The following ZNF701 variants were observed in gnomAD, a reference collection of about 807,000 sequenced individuals.
ZNF701 encodes zinc finger protein 701.
ZNF701 carries 6 observed loss-of-function variants against 7.1 expected under a neutral mutation model. The observed-to-expected ratio is 0.84, with a 90% confidence interval of 0.46 to 1.66. The LOEUF is 1.66. ZNF701 is among the 40% of genes most tolerant of loss of function. ZNF701 has a pLI of 0.01. For synonymous variants in ZNF701, 166 were observed against 188.2 expected (o/e 0.88, Z 0.97); for missense variants, 541 against 559.2 (o/e 0.97, Z 0.33).
Position 52,584,156 on chromosome 19 carries a change from C to T in ZNF701, c.*699C>T, listed in dbSNP as rs2059994384. ...CCTATGTGTGGCAAGGTCTTCAGTC[C>T]GAGGTTACTCCTTGCAGAATATCAT... On this transcript the variant is annotated 3_prime_UTR_variant, in exon 4 of 4. Transcript: ENST00000391785. The T allele has an allele frequency of 9.9e-6, 3 of 301,852 alleles. No individual in the cohort carries two copies. Among genetic ancestry groups the T allele is most frequent in the Admixed American group, 4.2e-5 (1 of 23,986 alleles). 18.7% of individuals were successfully genotyped at this position (301,852 alleles called of 1,614,324 possible). A position where few individuals can be genotyped will look rare whatever the true frequency, so the allele number is the denominator to read the frequency against.
the ZNF701 span, among the ~76,000 whole-genome samples, chr19:52,594,654 C>CA: frequency 6.6e-6 from 1 of 152,074 alleles, no homozygotes; most frequent in Non-Finnish European, 1.5e-5. Context: ...GCTGGGATTA[C>CA]AGGCATGTGC....
At chr19:52,582,061 A>T in intron 3 of ZNF701, 141 bp from the exon 4 acceptor site, 1 of 641,576 alleles carries the variant, frequency 1.6e-6, no homozygotes, top group Non-Finnish European at 2.5e-6. Context: ...AAAGGATCTT[A>T]CTCCTTTTGT....
At chr19:52,578,352 C>A (rs1328806322) in intron 3 of ZNF701, among the ~76,000 whole-genome samples, 1 of 152,056 alleles carries the variant, frequency 6.6e-6, no homozygotes, top group African/African-American at 2.4e-5. Flanking sequence ...GCAAGGGCCC[C>A]TTGTCCTATG....
chr19:52,587,303 T>G (rs568172212), downstream of ZNF701: 16 of 152,988 alleles, frequency 1.0e-4, no homozygotes, highest in Admixed American at 5.2e-4. Flanking sequence ...TAGGGATCTG[T>G]GCTCCCGGGA....
the ZNF701 span, chr19:52,597,193 A>G: frequency 5.3e-6 from 3 of 569,954 alleles, 1 homozygote; most frequent in East Asian, 4.4e-5. Context: ...GACTGTGGCA[A>G]GGTCTTCAGT....
downstream of ZNF701, among the ~76,000 whole-genome samples, chr19:52,587,354 C>G (rs553825797): frequency 8.5e-5 from 13 of 152,230 alleles, no homozygotes; most frequent in South Asian, 2.7e-3. Context: ...TCCTCACTCC[C>G]TCTGCTCCAG....
intron 3 of ZNF701, among the ~76,000 whole-genome samples, chr19:52,577,836 G>C (rs113638451): frequency 6.6e-6 from 1 of 152,032 alleles, no homozygotes; most frequent in Non-Finnish European, 1.5e-5. Flanking sequence ...CCTCCCTGTG[G>C]TGCTGTGCTT....
In ZNF701 at chr19:52,572,615, C is replaced by T. The variant is rs77191257; in HGVS notation, c.-71-1462C>T. The stretch of plus-strand genomic sequence containing the variant: ...TCTTTTCACTCATCTCAGACCTTCT[C>T]AGCGTGACTCGGTGAAAATGTCCCC... On this transcript the variant is annotated intron_variant, in intron 1 of 3. Coordinates refer to ENST00000391785, the MANE Select transcript of ZNF701 (RefSeq NM_018260.3). The T allele has an allele frequency of 2.0e-3, 690 of 350,138 alleles. 13 individuals carry two copies. The East Asian group carries it at 0.027, about 14-fold the overall frequency. The allele number at this position is 350,138 out of a possible 1,614,324, so 21.7% of individuals were successfully genotyped here. A position where few individuals can be genotyped will look rare whatever the true frequency, so the allele number is the denominator to read the frequency against.
chr19:52,589,217 G>A (rs1225888532), downstream of ZNF701, among the ~76,000 whole-genome samples: 2 of 152,066 alleles, frequency 1.3e-5, no homozygotes, highest in African/African-American at 4.8e-5. Context: ...TTACTCCTGT[G>A]GTCTTACCAC....
the ZNF701 span, chr19:52,598,225 C>G: frequency 6.6e-6 from 1 of 152,244 alleles, no homozygotes; most frequent in South Asian, 2.1e-4. Flanking sequence ...ATTACAGGCG[C>G]GAGCCACCGC....
chr19:52,583,374 A>C lies in ZNF701; in HGVS notation c.1315A>C (p.Lys439Gln). 6.2e-7 allele frequency: 1 copy of C among 1,613,504 alleles called. No homozygotes were observed. Residue 439 changes from lysine (K) to glutamine (Q), a missense_variant, in exon 4 of 4, where the codon AAG (lysine) becomes CAG (glutamine). Coordinates refer to ENST00000391785, the MANE Select transcript of ZNF701 (RefSeq NM_018260.3). The part of the protein sequence containing the change: ...RRLHTGEKPY[K>Q]CNECGKVFNR... The stretch of plus-strand genomic sequence containing the variant: ...ACTTCATACTGGAGAGAAACCTTAC[A>C]AGTGTAATGAATGTGGCAAGGTTTT...
intron 2 of ZNF701, chr19:52,575,661 G>A (rs1476258198): frequency 5.8e-5 from 21 of 361,522 alleles, no homozygotes; most frequent in Non-Finnish European, 9.4e-5. Flanking sequence ...CACCATACCC[G>A]GCTAATTATT....
chr19:52,576,535 C>T (rs1027701653), intron 3 of ZNF701, among the ~76,000 whole-genome samples: 1 of 151,968 alleles, frequency 6.6e-6, no homozygotes, highest in Admixed American at 6.6e-5. Flanking sequence ...GCAAGACTCT[C>T]TCTCAAAAAA....
At chr19:52,576,254 T>C (rs1343100742) in intron 3 of ZNF701, among the ~76,000 whole-genome samples, 1 of 152,108 alleles carries the variant, frequency 6.6e-6, no homozygotes, top group African/African-American at 2.4e-5. Flanking sequence ...TAAAAGCTTA[T>C]GGCAGGCCAG....
rs986895119 is a variant in ZNF701 at position 52,586,985 on chromosome 19, G to C, written c.*3528G>C. 2.6e-5 allele frequency: 4 copies of C among 152,092 alleles called. No individual in the cohort carries two copies. The highest frequency in any genetic ancestry group is 9.7e-5 in the African/African-American group (4 of 41,396). The allele number at this position is 152,092 out of a possible 1,614,324, so 9.4% of individuals were successfully genotyped here. A position where few individuals can be genotyped will look rare whatever the true frequency, so the allele number is the denominator to read the frequency against. ...TACAATCCTGTGTGCAGTTGTCTCC[G>C]CAGCTCTCTGCTGGGACATCAAACA... On this transcript the variant is annotated 3_prime_UTR_variant, in exon 4 of 4. Coordinates refer to ENST00000391785, the MANE Select transcript of ZNF701 (RefSeq NM_018260.3).
At chr19:52,593,325 A>G in the ZNF701 span, among the ~76,000 whole-genome samples, 1 of 117,632 alleles carries the variant, frequency 8.5e-6, no homozygotes, top group Non-Finnish European at 1.9e-5. Flanking sequence ...GTGGCTGGGC[A>G]GAGGGGCTCC....
downstream of ZNF701, chr19:52,587,300 C>T (rs1176808732): frequency 6.5e-6 from 1 of 152,740 alleles, no homozygotes; most frequent in Non-Finnish European, 1.5e-5. Flanking sequence ...CCTTAGGGAT[C>T]TGTGCTCCCG....
At chr19:52,590,547 G>T (rs576216226), downstream of ZNF701, among the ~76,000 whole-genome samples, 522 of 152,154 alleles carry the variant, frequency 3.4e-3, 3 homozygotes, top group Middle Eastern at 6.8e-3. Context: ...TTCATGCATT[G>T]CTTTTATGAT....
At chr19:52,587,661 G>A (rs189033969), downstream of ZNF701, among the ~76,000 whole-genome samples, 232 of 152,334 alleles carry the variant, frequency 1.5e-3, no homozygotes, top group Non-Finnish European at 2.9e-3. Context: ...GAACAAGTCC[G>A]TAAGCGGAGA....
Sources: gnomAD v4.1 joint callset for allele counts (sites outside exome capture counted in the v4.1 genomes callset) on GRCh38, gnomAD v4.1.1 for gene constraint, MANE v1.5 for transcripts, NCBI Gene and HGNC (gene_info 2026-07-23, HGNC 2026-07-21) for gene names.